The following GLRA3 variants were observed in gnomAD, a reference collection of about 807,000 sequenced individuals.
GLRA3 encodes the protein glycine receptor alpha 3.
Under a neutral mutation model 60.4 loss-of-function variants are expected in GLRA3, and 44 were observed. The observed-to-expected ratio is 0.73, with a 90% confidence interval of 0.57 to 0.94. The LOEUF (loss-of-function observed/expected upper bound fraction) is 0.94. Among genes scored for constraint, GLRA3 ranks in the 40% least tolerant of loss-of-function variants. The pLI is 0.00. For synonymous variants in GLRA3, 223 were observed against 192.9 expected (o/e 1.16, Z -1.29); for missense variants, 508 against 564.6 (o/e 0.90, Z 1.02).
intron 3 of GLRA3, among the ~76,000 whole-genome samples, chr4:174,741,782 A>G (rs1737037245): frequency 6.6e-6 from 1 of 152,118 alleles, no homozygotes; most frequent in South Asian, 2.1e-4. Flanking sequence ...ATGAGTACGT[A>G]TTGCAGCTTA....
intron 1 of GLRA3, among the ~76,000 whole-genome samples, chr4:174,805,733 T>C (rs1560809888): frequency 6.6e-6 from 1 of 152,196 alleles, no homozygotes; most frequent in Admixed American, 6.5e-5. Context: ...AGTTTCTGCA[T>C]AATAATAAAA....
At chr4:174,728,426 C>G (rs1339175810) in intron 4 of GLRA3, 49 bp downstream of exon 4, 4 of 1,021,386 alleles carry the variant, frequency 3.9e-6, no homozygotes, top group Non-Finnish European at 6.0e-6. Flanking sequence ...CAACAATACA[C>G]CATGATATTC....
At chr4:174,659,234 TTA>T (rs1225451161) in intron 7 of GLRA3, 37 bp from the exon 8 acceptor site, 1 of 1,527,846 alleles carries the variant, frequency 6.5e-7, no homozygotes, top group African/African-American at 1.4e-5. Flanking sequence ...GCAAATTCAC[TTA>T]TATTGTTACT....
At chr4:174,815,308 G>T (rs1487253757) in intron 1 of GLRA3, among the ~76,000 whole-genome samples, 1 of 152,192 alleles carries the variant, frequency 6.6e-6, no homozygotes, top group Non-Finnish European at 1.5e-5. Flanking sequence ...TCATGGGCTG[G>T]CATTGAGTGT....
intron 5 of GLRA3, among the ~76,000 whole-genome samples, chr4:174,684,613 G>A (rs1734482747): frequency 6.6e-6 from 1 of 152,226 alleles, no homozygotes; most frequent in Admixed American, 6.5e-5. Context: ...CTGTGAGGCA[G>A]AATTGTTGTT....
Position 174,828,278 on chromosome 4 carries a change from TA to T in GLRA3, c.71+462del, listed in dbSNP as rs1741058165. On this transcript the variant is annotated intron_variant, in intron 1 of 9. Transcript: ENST00000274093. ...GGCCCTTATTTTGATTCATTTAACTTAACCTCTGAATATAGCAACAACATTT... is the reference window on the plus strand; with the variant it reads ...GGCCCTTATTTTGATTCATTTAACTTACCTCTGAATATAGCAACAACATTT... Among the ~76,000 whole-genome samples, 4 of 152,308 alleles carry T rather than the reference TA, an allele frequency of 2.6e-5. No homozygotes were observed. The South Asian group carries it at 8.3e-4, about 32-fold the overall frequency.
At position 174,712,029 on chromosome 4, in the gene GLRA3, C is replaced by CT. The variant is rs745921340; in HGVS notation, c.574+3458dup. ...TCTTTGATATTATCCTTAACTCATA[C>CT]TTTTTTTTTCTCATCAATTTCTAAT... is the stretch of plus-strand genomic sequence containing the variant. On this transcript the variant is annotated intron_variant, in intron 5 of 9. Coordinates refer to ENST00000274093, the MANE Select transcript of GLRA3 (RefSeq NM_006529.4). Among the ~76,000 whole-genome samples the CT allele has an allele frequency of 1.7e-3, 254 of 151,432 alleles. 1 individual carries two copies. The highest frequency in any genetic ancestry group is 6.7e-3 in the Admixed American group (101 of 15,182).
At chr4:174,680,517 A>G (rs12647358) in intron 6 of GLRA3, among the ~76,000 whole-genome samples, 22,591 of 152,224 alleles carry the variant, frequency 0.15, 2,234 homozygotes, top group East Asian at 0.37. Context: ...AAGTGGGAGT[A>G]TTAGGCTTGG....
chr4:174,770,085 C>T (rs972977448), intron 2 of GLRA3, among the ~76,000 whole-genome samples: 1 of 152,068 alleles, frequency 6.6e-6, no homozygotes, highest in Admixed American at 6.6e-5. Flanking sequence ...TATTTGATTA[C>T]TGGTTCATGA....
chr4:174,797,110 T>A (rs1175935861), intron 1 of GLRA3, among the ~76,000 whole-genome samples: 1 of 152,108 alleles, frequency 6.6e-6, no homozygotes, highest in Non-Finnish European at 1.5e-5. Context: ...ATTCAAAAAC[T>A]TTTTTTAAGT....
intron 2 of GLRA3, among the ~76,000 whole-genome samples, chr4:174,781,266 T>C (rs1465741938): frequency 1.3e-5 from 2 of 150,426 alleles, no homozygotes; most frequent in African/African-American, 4.9e-5. Flanking sequence ...TTGAAACCAA[T>C]GAGAACAAAG....
chr4:174,706,798 G>A (rs1254913400), intron 5 of GLRA3, among the ~76,000 whole-genome samples: 1 of 152,186 alleles, frequency 6.6e-6, no homozygotes, highest in East Asian at 1.9e-4. Context: ...GCTGCTAAGA[G>A]ACTAATGTTG....
At chr4:174,657,097 A>C (rs1441701608) in intron 8 of GLRA3, among the ~76,000 whole-genome samples, 1 of 152,178 alleles carries the variant, frequency 6.6e-6, no homozygotes, top group Non-Finnish European at 1.5e-5. Flanking sequence ...GGTACCAATC[A>C]CTGGAGAAAA....
chr4:174,643,347 T>G lies in GLRA3; in HGVS notation c.*439A>C. On this transcript the variant is annotated 3_prime_UTR_variant, in exon 10 of 10. Transcript: ENST00000274093. ...ACTGTAACTAATTATTTTCCCATTT[T>G]GTAACTATACTATAAGAAAATAGTT... The G allele has an allele frequency of 1.3e-6, 1 of 742,648 alleles. No individual in the cohort carries two copies. The highest frequency in any genetic ancestry group is 1.6e-6 in the Non-Finnish European group (1 of 610,062). 46.0% of individuals were successfully genotyped at this position (742,648 alleles called of 1,614,324 possible).
intron 3 of GLRA3, among the ~76,000 whole-genome samples, chr4:174,729,015 C>T (rs1041183085): frequency 4.6e-5 from 7 of 152,180 alleles, no homozygotes; most frequent in South Asian, 2.1e-4. Context: ...ATGGCATCCT[C>T]GGGTACTCCC....
chr4:174,768,141 T>C (rs907786982), intron 2 of GLRA3, among the ~76,000 whole-genome samples: 1 of 152,122 alleles, frequency 6.6e-6, no homozygotes, highest in East Asian at 1.9e-4. Context: ...GGGATGGACC[T>C]TCTGAGGAAT....
intron 3 of GLRA3, among the ~76,000 whole-genome samples, chr4:174,736,701 G>A (rs1369342135): frequency 6.6e-6 from 1 of 152,074 alleles, no homozygotes; most frequent in East Asian, 1.9e-4. Context: ...ATGTATGTAA[G>A]GTGATATGTA....
At chr4:174,721,641 T>C (rs932459465) in intron 4 of GLRA3, among the ~76,000 whole-genome samples, 1 of 151,742 alleles carries the variant, frequency 6.6e-6, no homozygotes, top group Non-Finnish European at 1.5e-5. Context: ...TCAGAGGTTC[T>C]CCAAATGCCA....
At chr4:174,693,596 C>T (rs1038986946) in intron 5 of GLRA3, among the ~76,000 whole-genome samples, 1 of 152,072 alleles carries the variant, frequency 6.6e-6, no homozygotes, top group Non-Finnish European at 1.5e-5. Context: ...TAGCATGATG[C>T]CTCTATATTT....
Sources: gnomAD v4.1 joint callset for allele counts (sites outside exome capture counted in the v4.1 genomes callset) on GRCh38, gnomAD v4.1.1 for gene constraint, MANE v1.5 for transcripts, NCBI Gene and HGNC (gene_info 2026-07-23, HGNC 2026-07-21) for gene names.